Variants in MLIP observed in about 807,000 individuals in gnomAD.
MLIP encodes muscular LMNA interacting protein.
A neutral mutation model predicts 84.8 loss-of-function variants in MLIP; 79 were observed. The observed-to-expected ratio is 0.93, with a 90% confidence interval of 0.78 to 1.12. The LOEUF (loss-of-function observed/expected upper bound fraction) is 1.12. Among genes scored for constraint, MLIP ranks in the 50% most tolerant of loss-of-function variants. The pLI is 0.00. For missense variants in MLIP, 1,257 were observed against 1,160.6 expected, an observed-to-expected ratio of 1.08 and a Z score of -1.21; for synonymous variants, 504 against 463.0, an observed-to-expected ratio of 1.09 and a Z score of -1.14.
chr6:54,124,480 C>T lies in MLIP; in HGVS notation c.260C>T (p.Ser87Phe). The T allele has an allele frequency of 6.2e-7, 1 of 1,612,660 alleles. No homozygotes were observed. The highest frequency in any genetic ancestry group is 8.5e-7 in the Non-Finnish European group (1 of 1,179,318). The part of the protein sequence containing the change: ...KSPETVNRSK[S>F]NDYLTLNAGS... ...TCTCTACATCTATTACAGTCTAAAT[C>T]CAATGACTACTTGACCTTGAATGCT... is the stretch of plus-strand genomic sequence containing the variant. The change falls in exon 3 of 14, where the codon TCC becomes TTC. Residue 87 changes from serine (S) to phenylalanine (F), a missense_variant. Coordinates refer to ENST00000502396, the MANE Select transcript of MLIP (RefSeq NM_001281747.2).
intron 12 of MLIP, among the ~76,000 whole-genome samples, chr6:54,241,694 T>G (rs988516219): frequency 6.6e-6 from 1 of 152,214 alleles, no homozygotes; most frequent in Non-Finnish European, 1.5e-5. Flanking sequence ...AAGCATTTAC[T>G]TATAATACAT....
chr6:54,232,313 T>C (rs1027976664), intron 12 of MLIP, among the ~76,000 whole-genome samples: 1 of 152,278 alleles, frequency 6.6e-6, no homozygotes, highest in South Asian at 2.1e-4. Flanking sequence ...GTTTTGATAT[T>C]TTGAAAGTGT....
chr6:54,024,273 A>G (rs1251098541), intron 1 of MLIP, among the ~76,000 whole-genome samples: 1 of 152,218 alleles, frequency 6.6e-6, no homozygotes, highest in East Asian at 1.9e-4. Flanking sequence ...TAGCCTCCCA[A>G]AGTGTTGGGA....
At chr6:54,103,886 C>T (rs903323149) in intron 1 of MLIP, among the ~76,000 whole-genome samples, 3 of 152,172 alleles carry the variant, frequency 2.0e-5, no homozygotes, top group Admixed American at 1.3e-4. Context: ...ATATGTGACT[C>T]TAATGACAAA....
chr6:54,094,626 A>G (rs1258996148), intron 1 of MLIP, among the ~76,000 whole-genome samples: 3 of 151,996 alleles, frequency 2.0e-5, no homozygotes, highest in Non-Finnish European at 4.4e-5. Flanking sequence ...TAAGAAGAAG[A>G]AAGACATTCT....
intron 1 of MLIP, among the ~76,000 whole-genome samples, chr6:54,037,094 T>C (rs532668460): frequency 6.6e-6 from 1 of 152,136 alleles, no homozygotes; most frequent in Admixed American, 6.6e-5. Flanking sequence ...AGTCAGAGTT[T>C]GGGCAGTCAG....
chr6:54,110,110 T>C (rs1044741084), upstream of MLIP, among the ~76,000 whole-genome samples: 3 of 151,198 alleles, frequency 2.0e-5, no homozygotes, highest in African/African-American at 4.9e-5. Context: ...AGCCTCCCGA[T>C]TAGCTGGGAC....
At chr6:54,200,278 C>G (rs1052012616) in intron 10 of MLIP, among the ~76,000 whole-genome samples, 1 of 152,094 alleles carries the variant, frequency 6.6e-6, no homozygotes, top group Admixed American at 6.6e-5. Context: ...CAGAGGTTAT[C>G]CTACCATCCA....
At chr6:54,032,456 C>G (rs1395488136) in intron 1 of MLIP, 2 of 152,152 alleles carry the variant, frequency 1.3e-5, no homozygotes, top group African/African-American at 4.8e-5. Context: ...CAACCATACA[C>G]AATAATGATG....
At chr6:54,235,104 C>T (rs964959108) in intron 12 of MLIP, among the ~76,000 whole-genome samples, 5 of 152,160 alleles carry the variant, frequency 3.3e-5, no homozygotes, top group African/African-American at 9.7e-5. Context: ...TTCTCAGTCC[C>T]CAAACTCAAA....
intron 1 of MLIP, among the ~76,000 whole-genome samples, chr6:54,053,108 C>A (rs1273880216): frequency 1.3e-5 from 2 of 152,174 alleles, no homozygotes; most frequent in African/African-American, 2.4e-5. Flanking sequence ...AGACTAAGAG[C>A]AGTGATAGTG....
chr6:54,044,991 A>G (rs1764953293), intron 1 of MLIP, among the ~76,000 whole-genome samples: 1 of 152,350 alleles, frequency 6.6e-6, no homozygotes, highest in African/African-American at 2.4e-5. Context: ...TATTTACTTT[A>G]ATCATAGTAA....
intron 11 of MLIP, chr6:54,217,264 A>G (rs1335964042): frequency 1.0e-6 from 1 of 985,288 alleles, no homozygotes; most frequent in Non-Finnish European, 1.2e-6. Context: ...ACAGGAAAGG[A>G]AGTGACTTTA....
At chr6:54,209,644 G>A (rs1779277976) in intron 11 of MLIP, among the ~76,000 whole-genome samples, 1 of 152,140 alleles carries the variant, frequency 6.6e-6, no homozygotes, top group Non-Finnish European at 1.5e-5. Flanking sequence ...CTTGAACAAT[G>A]AGCCTCTTGA....
rs111274483 is a variant in MLIP, at chr6:54,104,755, C to G, written c.64-16692C>G. Among the ~76,000 whole-genome samples the G allele has an allele frequency of 4.7e-4, 71 of 152,090 alleles. 3 individuals carry two copies. The highest frequency in any genetic ancestry group is 1.7e-3 in the African/African-American group (70 of 41,488). On this transcript the variant is annotated intron_variant, in intron 1 of 12. Transcript: ENST00000274897. ...AACTGTCTTCTTTTCTTACATTCAT[C>G]AAATATTATGGCTAAAAGAAGGCTC...
intron 12 of MLIP, among the ~76,000 whole-genome samples, chr6:54,254,129 GTTTTT>G (rs68110508): frequency 1.5e-5 from 2 of 129,558 alleles, no homozygotes; most frequent in Non-Finnish European, 1.6e-5. Context: ...TTTTTTTGCT[GTTTTT>G]TTTTTTTTTT....
At chr6:54,146,163 G>T (rs1407485943) in intron 4 of MLIP, among the ~76,000 whole-genome samples, 1 of 152,116 alleles carries the variant, frequency 6.6e-6, no homozygotes, top group African/African-American at 2.4e-5. Flanking sequence ...TAGGAATTTA[G>T]GTGATAGCCT....
rs148343645 is a variant in MLIP at position 54,230,746 on chromosome 6, C to T, written c.2751C>T (p.Leu917=). 1 of 1,613,988 alleles carries T rather than the reference C, an allele frequency of 6.2e-7. No homozygotes were observed. Among genetic ancestry groups the T allele is most frequent in the Non-Finnish European group, 8.5e-7 (1 of 1,180,002 alleles). The change falls in exon 12 of 14, where the codon CTC becomes CTT. Residue 917 remains leucine (L), a synonymous_variant. Transcript: ENST00000502396. Reference sequence around the variant, plus strand: ...CAGTCCCTCCCAAGCCTGTCTCGCTCCATCCTTTATATCAGACTAAACTCT... The same window carrying T: ...CAGTCCCTCCCAAGCCTGTCTCGCTTCATCCTTTATATCAGACTAAACTCT... ...DVTVPPKPVS[L]HPLYQTKLYP...
At chr6:54,172,784 A>C (rs1383837095) in intron 9 of MLIP, among the ~76,000 whole-genome samples, 1 of 151,632 alleles carries the variant, frequency 6.6e-6, no homozygotes, top group Non-Finnish European at 1.5e-5. Context: ...TATTGCACGT[A>C]TTGTGACATT....
Sources: gnomAD v4.1 joint callset for allele counts (sites outside exome capture counted in the v4.1 genomes callset) on GRCh38, gnomAD v4.1.1 for gene constraint, MANE v1.5 for transcripts, NCBI Gene and HGNC (gene_info 2026-07-23, HGNC 2026-07-21) for gene names.